Variants in ITPR2 observed in about 807,000 individuals in gnomAD.
ITPR2 encodes the protein inositol 1,4,5-trisphosphate-gated calcium channel ITPR2.
Under a neutral mutation model 317.1 loss-of-function variants are expected in ITPR2, and 207 were observed. That is an observed-to-expected ratio of 0.65 (90% CI 0.58 to 0.73). The LOEUF (loss-of-function observed/expected upper bound fraction) is 0.73, where lower values mean the gene tolerates loss of function less well. ITPR2 is among the 30% of genes least tolerant of loss of function. ITPR2 has a pLI of 0.00. For missense variants in ITPR2, 2,613 were observed against 3,284.0 expected, an observed-to-expected ratio of 0.80 and a Z score of 4.99; for synonymous variants, 1,156 against 1,149.1, an observed-to-expected ratio of 1.01 and a Z score of -0.12.
chr12:26,721,003 T>A (rs971011578), intron 5 of ITPR2, among the ~76,000 whole-genome samples: 1 of 152,140 alleles, frequency 6.6e-6, no homozygotes, highest in Non-Finnish European at 1.5e-5. Context: ...GGACCTCCTG[T>A]AGACAGGGAT....
In ITPR2 at chr12:26,398,925, G is replaced by A. The variant is rs751427230; in HGVS notation, c.7647C>T (p.Ser2549=). 3.5e-5 allele frequency: 56 copies of A among 1,609,258 alleles called. No individual in the cohort carries two copies. Among genetic ancestry groups the A allele is most frequent in the South Asian group, 1.8e-4 (16 of 90,086 alleles). ...GAATTTCTTCTTTTTTCTGTTTTTC[G>A]CTTCTGAGATCAGCAAAAGTATCGA... ...VIIDTFADLR[S]EKQKKEEILK... is the part of the protein sequence containing the mutation. Residue 2549 remains serine (S), a synonymous_variant, in exon 54 of 57, where the codon AGC becomes AGT. Transcript: ENST00000381340.
chr12:26,743,642 C>T (rs1037771897), intron 2 of ITPR2, among the ~76,000 whole-genome samples: 4 of 152,112 alleles, frequency 2.6e-5, no homozygotes, highest in African/African-American at 9.7e-5. Flanking sequence ...CCTGTAATCC[C>T]AGCACTTTGG....
intron 15 of ITPR2, among the ~76,000 whole-genome samples, chr12:26,662,959 C>T (rs1947536622): frequency 1.3e-5 from 2 of 152,092 alleles, no homozygotes; most frequent in Admixed American, 6.6e-5. Context: ...GCTTGAGCCA[C>T]GCCACCTGGT....
intron 54 of ITPR2, among the ~76,000 whole-genome samples, chr12:26,397,773 C>T (rs983335720): frequency 2.0e-5 from 3 of 152,118 alleles, no homozygotes; most frequent in South Asian, 2.1e-4. Flanking sequence ...CATACAGTAA[C>T]GTTGTAGTGA....
chr12:26,458,719 G>A (rs1941946231), intron 45 of ITPR2, among the ~76,000 whole-genome samples: 1 of 152,202 alleles, frequency 6.6e-6, no homozygotes, highest in African/African-American at 2.4e-5. Context: ...ACAAAGACAT[G>A]AGTTTGTTTA....
intron 13 of ITPR2, among the ~76,000 whole-genome samples, chr12:26,672,020 C>T (rs1296629683): frequency 4.6e-5 from 7 of 151,984 alleles, no homozygotes; most frequent in African/African-American, 1.7e-4. Flanking sequence ...TATATATGCA[C>T]CCAATACAGG....
chr12:26,788,369 A>T (rs1180420162), intron 2 of ITPR2, among the ~76,000 whole-genome samples: 2 of 152,242 alleles, frequency 1.3e-5, no homozygotes, highest in Non-Finnish European at 2.9e-5. Flanking sequence ...GGCTCGAAGC[A>T]GGTAGGTGAC....
intron 52 of ITPR2, chr12:26,400,952 T>C (rs567567306): frequency 2.0e-5 from 3 of 152,350 alleles, no homozygotes; most frequent in African/African-American, 4.8e-5. Context: ...TTAGCCGTCC[T>C]GGGGCAGTAG....
chr12:26,629,670 A>G (rs896147988), intron 22 of ITPR2, among the ~76,000 whole-genome samples: 4 of 150,058 alleles, frequency 2.7e-5, no homozygotes, highest in East Asian at 2.0e-4. Context: ...ATCTGAATCA[A>G]TCTCCCTCCT....
rs536877063 is a variant in ITPR2, at chr12:26,594,070, T to C, written c.4380+1395A>G. 1.7e-3 allele frequency among the ~76,000 whole-genome samples: 252 copies of C among 152,208 alleles called. 2 individuals carry two copies. Among genetic ancestry groups the C allele is most frequent in the Non-Finnish European group, 2.7e-3 (186 of 68,034 alleles). ...TACTTGAAGGTCTCTGGAGATACTATAGCTGGTCAGAAACAAAGTTTTCAC... is the reference window on the plus strand; with the variant it reads ...TACTTGAAGGTCTCTGGAGATACTACAGCTGGTCAGAAACAAAGTTTTCAC... On this transcript the variant is annotated intron_variant, in intron 32 of 56. Coordinates refer to ENST00000381340, the MANE Select transcript of ITPR2 (RefSeq NM_002223.4).
At chr12:26,501,929 T>C (rs185476851) in intron 37 of ITPR2, among the ~76,000 whole-genome samples, 3 of 152,188 alleles carry the variant, frequency 2.0e-5, no homozygotes, top group Non-Finnish European at 1.5e-5. Context: ...TGGTGAAAAT[T>C]AAATGTTTAA....
intron 45 of ITPR2, among the ~76,000 whole-genome samples, chr12:26,451,930 G>A (rs1419364164): frequency 6.6e-6 from 1 of 152,168 alleles, no homozygotes; most frequent in East Asian, 1.9e-4. Flanking sequence ...AAAGTGTTGT[G>A]ACGATTGATG....
At chr12:26,782,533 A>G (rs2137184427) in intron 2 of ITPR2, among the ~76,000 whole-genome samples, 1 of 152,328 alleles carries the variant, frequency 6.6e-6, no homozygotes, top group African/African-American at 2.4e-5. Context: ...TAGAATTTAT[A>G]GGTGGGACTA....
chr12:26,615,143 G>A (rs980574454), intron 26 of ITPR2, among the ~76,000 whole-genome samples: 2 of 151,908 alleles, frequency 1.3e-5, no homozygotes, highest in African/African-American at 2.4e-5. Flanking sequence ...AGATATGAGC[G>A]CATAATCAAA....
chr12:26,631,996 C>T lies in ITPR2; in HGVS notation c.2804G>A (p.Arg935Lys). Residue 935 changes from arginine (R) to lysine (K), a missense_variant, in exon 22 of 57, where the codon AGA becomes AAA. Physicochemically the swap from Arg to Lys is conservative, Grantham distance 26 (BLOSUM62 2). Transcript: ENST00000381340. ...GEMMTQMVLS[R>K]GSIFPMSVPD... ...CACGCTCATGGGGAAGATGGAGCCT[C>T]TACTGAGTACCATCTGGGTCATCAT... 1 of 1,611,948 alleles carries T rather than the reference C, an allele frequency of 6.2e-7. No individual in the cohort carries two copies. Among genetic ancestry groups the T allele is most frequent in the Non-Finnish European group, 8.5e-7 (1 of 1,179,146 alleles).
At chr12:26,704,736 A>G (rs954493539) in intron 9 of ITPR2, among the ~76,000 whole-genome samples, 1 of 152,180 alleles carries the variant, frequency 6.6e-6, no homozygotes, top group Non-Finnish European at 1.5e-5. Flanking sequence ...TTCCAGAATA[A>G]TACTATATAA....
chr12:26,785,368 G>A (rs1252107475), intron 2 of ITPR2, among the ~76,000 whole-genome samples: 1 of 50,548 alleles, frequency 2.0e-5, no homozygotes, highest in African/African-American at 5.2e-5. Flanking sequence ...CTGCCCGGCC[G>A]CCCCTACTGG....
At chr12:26,622,093 C>A (rs1281000285) in intron 25 of ITPR2, 147 bp downstream of exon 25, 6 of 580,760 alleles carry the variant, frequency 1.0e-5, no homozygotes, top group East Asian at 3.0e-5. Flanking sequence ...CTGGCATAGA[C>A]AAGGCCATGT....
At chr12:26,468,556 A>ATAC (rs781279674) in intron 45 of ITPR2, among the ~76,000 whole-genome samples, 1 of 147,608 alleles carries the variant, frequency 6.8e-6, no homozygotes. Context: ...GCACTGAACA[A>ATAC]ATATAGAAAC....
Sources: allele counts gnomAD v4.1 joint callset (sites outside exome capture counted in the v4.1 genomes callset), GRCh38; gene constraint gnomAD v4.1.1; transcripts MANE v1.5; gene names NCBI Gene and HGNC (gene_info 2026-07-23, HGNC 2026-07-21).